Variants in CARM1 observed in about 807,000 individuals in gnomAD.
The protein encoded by CARM1 is histone-arginine methyltransferase CARM1.
In CARM1, 14 loss-of-function variants were observed where a neutral mutation model predicts 72.7. That is an observed-to-expected ratio of 0.19 (90% CI 0.13 to 0.30). The LOEUF (loss-of-function observed/expected upper bound fraction) is 0.30, where lower values mean the gene tolerates loss of function less well. CARM1 is among the 10% of genes least tolerant of loss of function. The pLI, the probability that CARM1 is intolerant of heterozygous loss-of-function variation, is 1.00. For synonymous variants in CARM1, 333 were observed against 345.5 expected (o/e 0.96, Z 0.40); for missense variants, 432 against 833.7 (o/e 0.52, Z 5.93).
chr19:10,916,532 C>G lies in CARM1; in HGVS notation c.938+35C>G. On this transcript the variant is annotated intron_variant, in intron 7 of 15. Coordinates refer to ENST00000327064, the MANE Select transcript of CARM1 (RefSeq NM_199141.2). This position sits in a 1 kb window ranked among gnomAD's most constrained non-coding sequence, Gnocchi z 4.4. The stretch of plus-strand genomic sequence containing the variant: ...CCCTGGGTGTCCCGCCTGGGCCCCA[C>G]AGCCTGCCTTCTCAGGGACAGCCCC... The G allele has an allele frequency of 6.5e-7, 1 of 1,533,984 alleles. No individual in the cohort carries two copies. Among genetic ancestry groups the G allele is most frequent in the Non-Finnish European group, 9.0e-7 (1 of 1,108,354 alleles).
chr19:10,920,414 T>G lies in CARM1; in HGVS notation c.1197-22T>G, dbSNP rs572301518. The G allele has an allele frequency of 1.2e-6, 2 of 1,600,452 alleles. No homozygotes were observed. The highest frequency in any genetic ancestry group is 2.7e-5 in the African/African-American group (2 of 74,580). On this transcript the variant is annotated intron_variant, in intron 10 of 15. Coordinates refer to ENST00000327064, the MANE Select transcript of CARM1 (RefSeq NM_199141.2). This position sits in a 1 kb window ranked among gnomAD's most constrained non-coding sequence, Gnocchi z 5.3. ...GTGGTGGCGCCGGCCCAGTCAAGTA[T>G]GTGCCTGTCCCTGCTCCACAGAATG...
intron 2 of CARM1, among the ~76,000 whole-genome samples, chr19:10,906,359 C>T (rs2074103971): frequency 6.6e-6 from 1 of 152,220 alleles, no homozygotes; most frequent in African/African-American, 2.4e-5. Flanking sequence ...TCATTTTAAC[C>T]CTTTTGAAGT....
At chr19:10,908,627 A>C (rs757138044) in intron 3 of CARM1, 2 of 186,682 alleles carry the variant, frequency 1.1e-5, no homozygotes, top group African/African-American at 4.8e-5. Flanking sequence ...CCAAGATGGG[A>C]AGCCAGGTCT....
intron 1 of CARM1, among the ~76,000 whole-genome samples, chr19:10,875,149 C>T (rs2073853321): frequency 6.6e-6 from 1 of 152,160 alleles, no homozygotes; most frequent in Non-Finnish European, 1.5e-5. Flanking sequence ...TGGATTCTCT[C>T]TCAGTTCATG....
chr19:10,880,974 G>C (rs556834347), intron 1 of CARM1, among the ~76,000 whole-genome samples: 66 of 152,290 alleles, frequency 4.3e-4, no homozygotes, highest in African/African-American at 1.4e-3. Flanking sequence ...ACCAGCCCGG[G>C]AAACACAGTG....
intron 1 of CARM1, among the ~76,000 whole-genome samples, chr19:10,897,031 G>C (rs1403579531): frequency 5.3e-5 from 8 of 152,158 alleles, no homozygotes; most frequent in South Asian, 2.1e-4. Flanking sequence ...GCAGAGATCA[G>C]ATTCCCCAGC....
intron 2 of CARM1, among the ~76,000 whole-genome samples, chr19:10,906,676 G>A (rs1326140058): frequency 6.6e-6 from 1 of 152,030 alleles, no homozygotes; most frequent in Non-Finnish European, 1.5e-5. Context: ...TGTTGGCCAG[G>A]CTGGTCTTGA....
chr19:10,873,709 G>GGCT (rs1395495250), intron 1 of CARM1, among the ~76,000 whole-genome samples: 2 of 121,814 alleles, frequency 1.6e-5, no homozygotes, highest in Non-Finnish European at 1.6e-5. Context: ...GCTCAATCTC[G>GGCT]GCTCACTGCA....
Position 10,905,030 on chromosome 19 carries a change from C to T in CARM1, c.300C>T (p.Ile100=), listed in dbSNP as rs2074092595. 6.2e-7 allele frequency: 1 copy of T among 1,614,204 alleles called. No homozygotes were observed. The highest frequency in any genetic ancestry group is 8.5e-7 in the Non-Finnish European group (1 of 1,180,016). ...GTGTGGGCAAGCAGTCCTTCATCAT[C>T]ACCCTGGGCTGCAACAGCGTCCTCA... ...CSRVGKQSFI[I]TLGCNSVLIQ... The change falls in exon 2 of 16, where the codon ATC becomes ATT. Residue 100 remains isoleucine (I), a synonymous_variant. Coordinates refer to ENST00000327064, the MANE Select transcript of CARM1 (RefSeq NM_199141.2).
chr19:10,900,844 C>T (rs911613757), intron 1 of CARM1, among the ~76,000 whole-genome samples: 23 of 151,744 alleles, frequency 1.5e-4, no homozygotes, highest in Middle Eastern at 6.9e-3. Context: ...TCACCACACC[C>T]GGCTAATTTT....
Position 10,919,877 on chromosome 19 carries a change from G to A in CARM1, c.1107G>A (p.Arg369=), listed in dbSNP as rs1172596413. ...FLEAKEGDLH[R]IEIPFKFHML... ...GCAGCCACTGCCCTTTGCCTTCCAGGATAGAAATCCCATTCAAATTCCACA... is the reference window on the plus strand; with the variant it reads ...GCAGCCACTGCCCTTTGCCTTCCAGAATAGAAATCCCATTCAAATTCCACA... The change falls in exon 10 of 16, where the codon AGG becomes AGA. Residue 369 remains arginine (R), a splice_region_variant and synonymous_variant. Coordinates refer to ENST00000327064, the MANE Select transcript of CARM1 (RefSeq NM_199141.2). The A allele has an allele frequency of 6.2e-7, 1 of 1,613,450 alleles. No homozygotes were observed. Among genetic ancestry groups the A allele is most frequent in the Non-Finnish European group, 8.5e-7 (1 of 1,179,330 alleles).
intron 1 of CARM1, among the ~76,000 whole-genome samples, chr19:10,894,266 G>A (rs1268848126): frequency 1.3e-5 from 2 of 152,324 alleles, no homozygotes; most frequent in East Asian, 1.9e-4. Context: ...TGGGAGGGCC[G>A]GGGGTGGCTC....
At chr19:10,909,004 G>A (rs1013539083) in intron 3 of CARM1, 99 bp from the exon 4 acceptor site, 14 of 838,828 alleles carry the variant, frequency 1.7e-5, no homozygotes, top group Middle Eastern at 3.1e-4. Flanking sequence ...AGGGAGGTTT[G>A]TGCCCTAGAT....
At chr19:10,891,827 G>A (rs1952182905) in intron 1 of CARM1, among the ~76,000 whole-genome samples, 1 of 152,194 alleles carries the variant, frequency 6.6e-6, no homozygotes, top group African/African-American at 2.4e-5. Flanking sequence ...GGTTTCTCAG[G>A]CACATACAAG....
rs902526552 is a variant in CARM1 at position 10,921,621 on chromosome 19, C to T, written c.1691C>T (p.Ser564Phe). Residue 564 changes from serine to phenylalanine, a missense_variant, in exon 16 of 16, where the codon TCC becomes TTC. Around this residue, in one of 3 missense-constraint regions of CARM1, gnomAD observed 142 missense variants for 188.7 expected, o/e 0.75. Coordinates refer to ENST00000327064, the MANE Select transcript of CARM1 (RefSeq NM_199141.2). The part of the protein sequence containing the change: ...IMSTGIVQGS[S>F]GAQGSGGGST... ...GCCATTGCCTGCTCCACAGGGTCCT[C>T]CGGCGCCCAGGGCAGTGGTGGTGGC... The T allele has an allele frequency of 6.2e-7, 1 of 1,611,040 alleles. No individual in the cohort carries two copies.
intron 1 of CARM1, among the ~76,000 whole-genome samples, chr19:10,880,129 C>T (rs1407811238): frequency 6.6e-6 from 1 of 152,210 alleles, no homozygotes; most frequent in African/African-American, 2.4e-5. Context: ...TCAGGAAGAC[C>T]TCTGTGGCAG....
At chr19:10,884,014 T>G (rs776389863) in intron 1 of CARM1, among the ~76,000 whole-genome samples, 2 of 64,946 alleles carry the variant, frequency 3.1e-5, no homozygotes, top group African/African-American at 5.0e-5. Context: ...CGAGACTCTG[T>G]TTTTTTTTTT....
At chr19:10,880,706 C>G (rs1212349057) in intron 1 of CARM1, among the ~76,000 whole-genome samples, 1 of 152,154 alleles carries the variant, frequency 6.6e-6, no homozygotes, top group African/African-American at 2.4e-5. Flanking sequence ...GGGGCGGTCC[C>G]ATGAGCCCCT....
intron 14 of CARM1, 51 bp downstream of exon 14, chr19:10,921,178 C>T (rs935800355): frequency 1.3e-6 from 2 of 1,575,310 alleles, no homozygotes; most frequent in Non-Finnish European, 1.7e-6. Context: ...CCAGGACTGC[C>T]CAGGGGCCGG....
Sources: gnomAD v4.1 joint callset for allele counts (sites outside exome capture counted in the v4.1 genomes callset) on GRCh38, gnomAD v4.1.1 for gene constraint, gnomAD v4.1.1 regional missense constraint, Gnocchi (gnomAD v3.1) non-coding constraint, MANE v1.5 for transcripts, NCBI Gene and HGNC (gene_info 2026-07-23, HGNC 2026-07-21) for gene names.